Variants in ADK observed in about 807,000 individuals in gnomAD.
The protein encoded by ADK is adenosine kinase, also known as N6,N6-dimethyladenosine kinase.
Under a neutral mutation model 44.7 loss-of-function variants are expected in ADK, and 24 were observed. The observed-to-expected ratio is 0.54, with a 90% confidence interval of 0.39 to 0.76. The LOEUF (loss-of-function observed/expected upper bound fraction) is 0.76. Ranked by LOEUF, ADK falls within the 30% of genes least tolerant of loss-of-function variation. ADK has a pLI of 0.00. For missense variants in ADK, 321 were observed against 425.1 expected (o/e 0.76, Z 2.15); for synonymous variants, 128 against 142.6 (o/e 0.90, Z 0.73).
intron 9 of ADK, among the ~76,000 whole-genome samples, chr10:74,665,775 GAGAGA>G (rs1854929130): frequency 6.8e-6 from 1 of 146,220 alleles, no homozygotes; most frequent in South Asian, 2.2e-4. Flanking sequence ...GAGAGAGAGA[GAGAGA>G]GACAGACAGA....
chr10:74,205,370 T>G (rs1843554948), intron 2 of ADK, among the ~76,000 whole-genome samples: 1 of 151,844 alleles, frequency 6.6e-6, no homozygotes, highest in South Asian at 2.1e-4. Flanking sequence ...GTAGAGCAGG[T>G]TAACATTTGA....
intron 7 of ADK, among the ~76,000 whole-genome samples, chr10:74,562,936 A>T (rs992124850): frequency 6.6e-6 from 1 of 152,022 alleles, no homozygotes; most frequent in Non-Finnish European, 1.5e-5. Context: ...GTGTTGTCTT[A>T]TGGGTGTTTG....
intron 7 of ADK, among the ~76,000 whole-genome samples, chr10:74,580,669 C>T (rs898536018): frequency 1.3e-5 from 2 of 152,084 alleles, no homozygotes; most frequent in Admixed American, 1.3e-4. Context: ...TTGCCTTCTG[C>T]CATGATTGTG....
At chr10:74,608,019 A>G (rs370610283) in intron 9 of ADK, among the ~76,000 whole-genome samples, 2 of 150,954 alleles carry the variant, frequency 1.3e-5, no homozygotes, top group Admixed American at 6.6e-5. Flanking sequence ...TGCTTGATCA[A>G]TTTGGTTATT....
chr10:74,208,897 C>T (rs888563431), intron 2 of ADK, among the ~76,000 whole-genome samples: 9 of 152,094 alleles, frequency 5.9e-5, no homozygotes, highest in East Asian at 3.9e-4. Flanking sequence ...CCACCATGCC[C>T]GGCTAATTTT....
intron 6 of ADK, among the ~76,000 whole-genome samples, chr10:74,417,550 C>G (rs975832869): frequency 2.0e-5 from 3 of 152,066 alleles, no homozygotes; most frequent in African/African-American, 7.2e-5. Context: ...TTCCATAATT[C>G]TTAGTGTACT....
intron 8 of ADK, among the ~76,000 whole-genome samples, chr10:74,596,627 CCT>C (rs1321324978): frequency 6.6e-6 from 1 of 151,958 alleles, no homozygotes; most frequent in Non-Finnish European, 1.5e-5. Context: ...CTCCCTGAAA[CCT>C]CTGTCTCCCA....
intron 3 of ADK, among the ~76,000 whole-genome samples, chr10:74,292,970 G>A (rs1184920278): frequency 6.6e-6 from 1 of 152,012 alleles, no homozygotes; most frequent in Admixed American, 6.6e-5. Flanking sequence ...TTTAAAAATA[G>A]TAAAGATAGG....
rs561797843 is a variant in ADK, at chr10:74,356,792, A to T, written c.274-37349A>T. On this transcript the variant is annotated intron_variant, in intron 4 of 10. Coordinates refer to ENST00000539909, the MANE Select transcript of ADK (RefSeq NM_006721.4). Reference sequence around the variant, plus strand: ...CAGAGTGTTGGGAGACAGGTCATGGATTTCTCATGTTCCTGCACAGTCTAA... The same window carrying T: ...CAGAGTGTTGGGAGACAGGTCATGGTTTTCTCATGTTCCTGCACAGTCTAA... 2.2e-4 allele frequency among the ~76,000 whole-genome samples: 33 copies of T among 152,294 alleles called. No homozygotes were observed. The South Asian group carries it at 6.6e-3, about 31-fold the overall frequency.
intron 3 of ADK, among the ~76,000 whole-genome samples, chr10:74,260,173 C>T (rs144645961): frequency 1.1e-3 from 167 of 152,228 alleles, no homozygotes; most frequent in African/African-American, 3.5e-3. Context: ...GTTCCCACTC[C>T]CCCCAAAATC....
rs138823083 is a variant in ADK at position 74,501,409 on chromosome 10, A to G, written c.556-23847A>G. 1.1e-3 allele frequency among the ~76,000 whole-genome samples: 168 copies of G among 152,252 alleles called. 1 individual carries two copies. In the East Asian group the frequency reaches 0.024, roughly 22 times the overall value. On this transcript the variant is annotated intron_variant, in intron 6 of 10. Transcript: ENST00000539909. ...TTATAAAATTTCCACTAAAACCTCAATTATTAGTTTCATGAATCAGAAGTT... is the reference window on the plus strand; with the variant it reads ...TTATAAAATTTCCACTAAAACCTCAGTTATTAGTTTCATGAATCAGAAGTT...
chr10:74,221,000 G>A (rs1396224962), intron 2 of ADK, among the ~76,000 whole-genome samples: 1 of 149,158 alleles, frequency 6.7e-6, no homozygotes, highest in African/African-American at 2.5e-5. Flanking sequence ...ATTCAACATA[G>A]TGTTGGAAGT....
intron 10 of ADK, among the ~76,000 whole-genome samples, chr10:74,676,751 A>G (rs146248021): frequency 3.3e-5 from 5 of 152,220 alleles, no homozygotes; most frequent in African/African-American, 9.6e-5. Context: ...TAAAATGACA[A>G]TTCATTTGGG....
chr10:74,686,428 T>C (rs1297267474), intron 10 of ADK, among the ~76,000 whole-genome samples: 1 of 152,168 alleles, frequency 6.6e-6, no homozygotes, highest in Non-Finnish European at 1.5e-5. Flanking sequence ...TTAATGGGAT[T>C]AAGGCCCTTA....
chr10:74,337,555 C>T (rs1160573058), intron 4 of ADK, among the ~76,000 whole-genome samples: 1 of 152,148 alleles, frequency 6.6e-6, no homozygotes, highest in Non-Finnish European at 1.5e-5. Flanking sequence ...AGTGCCTTTC[C>T]TGGGTTATCA....
intron 2 of ADK, among the ~76,000 whole-genome samples, chr10:74,203,646 A>G (rs1348571394): frequency 6.6e-6 from 1 of 152,010 alleles, no homozygotes; most frequent in African/African-American, 2.4e-5. Flanking sequence ...AAGTGCTGGG[A>G]TTATAGGCAT....
intron 6 of ADK, among the ~76,000 whole-genome samples, chr10:74,420,838 T>G (rs1027902424): frequency 6.6e-6 from 1 of 152,178 alleles, no homozygotes; most frequent in Admixed American, 6.5e-5. Flanking sequence ...TTTTAATTTT[T>G]GCATCTTAAT....
chr10:74,474,882 C>A (rs1012480463), intron 6 of ADK, among the ~76,000 whole-genome samples: 1 of 152,168 alleles, frequency 6.6e-6, no homozygotes, highest in Non-Finnish European at 1.5e-5. Context: ...AATCCCAGCA[C>A]TTTGGGAGGC....
chr10:74,422,285 A>G (rs1844583453), intron 6 of ADK, among the ~76,000 whole-genome samples: 1 of 152,210 alleles, frequency 6.6e-6, no homozygotes, highest in Non-Finnish European at 1.5e-5. Context: ...ATTCTACCAC[A>G]TAAGTTGAGC....
Sources: allele counts gnomAD v4.1 joint callset (sites outside exome capture counted in the v4.1 genomes callset), GRCh38; gene constraint gnomAD v4.1.1; transcripts MANE v1.5; gene names NCBI Gene and HGNC (gene_info 2026-07-23, HGNC 2026-07-21).